NPAS3: variants seen among roughly 807,000 people sequenced by gnomAD.
The protein encoded by NPAS3 is neuronal PAS domain-containing protein 3.
NPAS3 carries 14 observed loss-of-function variants against 73.1 expected under a neutral mutation model. The observed-to-expected ratio is 0.19, with a 90% CI of 0.13 to 0.30. The LOEUF (loss-of-function observed/expected upper bound fraction) is 0.30. Ranked by LOEUF, NPAS3 falls within the 10% of genes least tolerant of loss-of-function variation. The probability of loss-of-function intolerance (pLI) is 1.00; values close to 1 mark genes in which losing one functional copy is unlikely to be tolerated. For synonymous variants in NPAS3, 620 were observed against 541.5 expected (o/e 1.14, Z -2.01); for missense variants, 1,096 against 1,250.0 (o/e 0.88, Z 1.86).
At chr14:33,452,661 A>G (rs553226273) in intron 4 of NPAS3, among the ~76,000 whole-genome samples, 13 of 150,026 alleles carry the variant, frequency 8.7e-5, no homozygotes, top group Admixed American at 2.0e-4. Flanking sequence ...TGTAGTCCCA[A>G]CTACTCTGGA....
chr14:33,581,934 C>G (rs2056680167), intron 5 of NPAS3: 1 of 152,162 alleles, frequency 6.6e-6, no homozygotes, highest in South Asian at 2.1e-4. Flanking sequence ...GATGGCCTTT[C>G]TTTCTATAGG....
chr14:33,472,226 A>G lies in NPAS3; in HGVS notation c.469-87895A>G, dbSNP rs148266758. 1.1e-3 allele frequency among the ~76,000 whole-genome samples: 164 copies of G among 152,322 alleles called. 1 individual carries two copies. Among genetic ancestry groups the G allele is most frequent in the African/African-American group, 3.6e-3 (151 of 41,580 alleles). On this transcript the variant is annotated intron_variant, in intron 4 of 11. Transcript: ENST00000356141. ...AAGGGAGGGGGCTGAGGTTATGTAG[A>G]TAACTGGGAGAAGAGCTGTCCAGGC...
chr14:33,601,092 C>T (rs2057386667), intron 5 of NPAS3, among the ~76,000 whole-genome samples: 1 of 152,190 alleles, frequency 6.6e-6, no homozygotes, highest in East Asian at 1.9e-4. Context: ...AAGTGAATGT[C>T]TCCTTTCCTT....
chr14:33,153,940 G>T (rs1053444238), intron 2 of NPAS3, among the ~76,000 whole-genome samples: 1 of 152,224 alleles, frequency 6.6e-6, no homozygotes, highest in South Asian at 2.1e-4. Context: ...TGTTTTCCCA[G>T]TTCTTACGGG....
intron 2 of NPAS3, among the ~76,000 whole-genome samples, chr14:33,131,565 C>A (rs1159313725): frequency 6.6e-6 from 1 of 152,138 alleles, no homozygotes; most frequent in Non-Finnish European, 1.5e-5. Context: ...TCTCCAGATA[C>A]ATTTGTAGAG....
intron 2 of NPAS3, among the ~76,000 whole-genome samples, chr14:33,213,069 C>T (rs2047096025): frequency 6.6e-6 from 1 of 152,088 alleles, no homozygotes; most frequent in South Asian, 2.1e-4. Context: ...CATGACTTTC[C>T]CTAAAGTGGC....
At chr14:33,494,777 T>TA (rs2052084857) in intron 4 of NPAS3, among the ~76,000 whole-genome samples, 1 of 151,984 alleles carries the variant, frequency 6.6e-6, no homozygotes, top group Non-Finnish European at 1.5e-5. Context: ...ATAGGAGAAA[T>TA]AAAAAAATAT....
chr14:33,061,944 G>A (rs547727404), intron 2 of NPAS3, among the ~76,000 whole-genome samples: 1 of 152,262 alleles, frequency 6.6e-6, no homozygotes, highest in Admixed American at 6.5e-5. Context: ...GCTTGGGAGG[G>A]AACCCGAGGT....
intron 4 of NPAS3, among the ~76,000 whole-genome samples, chr14:33,448,199 GA>G (rs2049610871): frequency 6.6e-6 from 1 of 152,314 alleles, no homozygotes; most frequent in African/African-American, 2.4e-5. Flanking sequence ...TAGAGATACA[GA>G]TTTGAACATC....
chr14:33,141,916 C>A (rs1011494522), intron 2 of NPAS3, among the ~76,000 whole-genome samples: 1 of 152,112 alleles, frequency 6.6e-6, no homozygotes, highest in African/African-American at 2.4e-5. Context: ...TTTCGCCACA[C>A]CTTTGTCAAC....
At chr14:33,232,879 A>G (rs2047902874) in intron 3 of NPAS3, among the ~76,000 whole-genome samples, 1 of 150,618 alleles carries the variant, frequency 6.6e-6, no homozygotes, top group Non-Finnish European at 1.5e-5. Context: ...CAGAGACATT[A>G]CAATTTCACT....
chr14:33,567,943 C>A (rs539192312), intron 5 of NPAS3, among the ~76,000 whole-genome samples: 1 of 152,164 alleles, frequency 6.6e-6, no homozygotes, highest in African/African-American at 2.4e-5. Context: ...TTGTGCACAG[C>A]GAGCTGTTCT....
chr14:33,115,056 A>C (rs1269474267), intron 2 of NPAS3, among the ~76,000 whole-genome samples: 1 of 152,140 alleles, frequency 6.6e-6, no homozygotes, highest in Non-Finnish European at 1.5e-5. Context: ...CTAGAATCTC[A>C]AGAACAAATA....
At chr14:33,006,988 T>C (rs1292652582) in intron 1 of NPAS3, among the ~76,000 whole-genome samples, 1 of 152,206 alleles carries the variant, frequency 6.6e-6, no homozygotes, top group African/African-American at 2.4e-5. Context: ...TAGTTTATTG[T>C]ACATGAGCAT....
chr14:33,646,094 G>A (rs192713718), intron 5 of NPAS3, among the ~76,000 whole-genome samples: 125 of 152,248 alleles, frequency 8.2e-4, no homozygotes, highest in South Asian at 3.1e-3. Context: ...TAGTCTTGGG[G>A]TTCTCTGAGA....
At chr14:33,715,734 C>T (rs1367543427) in intron 6 of NPAS3, among the ~76,000 whole-genome samples, 1 of 152,152 alleles carries the variant, frequency 6.6e-6, no homozygotes, top group African/African-American at 2.4e-5. Context: ...ACTGTGTCCC[C>T]ACCCAAATCT....
chr14:33,355,067 A>T (rs993316528), intron 3 of NPAS3, among the ~76,000 whole-genome samples: 4 of 152,062 alleles, frequency 2.6e-5, no homozygotes, highest in Non-Finnish European at 5.9e-5. Flanking sequence ...GCCATTTGTG[A>T]CTGGGCCCAA....
intron 4 of NPAS3, among the ~76,000 whole-genome samples, chr14:33,450,097 A>G (rs1473434297): frequency 6.6e-6 from 1 of 152,234 alleles, no homozygotes; most frequent in Admixed American, 6.5e-5. Flanking sequence ...AAAGTATTAC[A>G]TGGTGAGGAC....
chr14:33,477,552 C>T (rs897897952), intron 4 of NPAS3, among the ~76,000 whole-genome samples: 1 of 152,078 alleles, frequency 6.6e-6, no homozygotes, highest in Non-Finnish European at 1.5e-5. Context: ...ACACACAGCA[C>T]ACACACACAG....
Sources: gnomAD v4.1 joint callset for allele counts (sites outside exome capture counted in the v4.1 genomes callset) on GRCh38, gnomAD v4.1.1 for gene constraint, MANE v1.5 for transcripts, NCBI Gene and HGNC (gene_info 2026-07-23, HGNC 2026-07-21) for gene names.